The following ASZ1 variants were observed in gnomAD, a reference collection of about 807,000 sequenced individuals.
ASZ1 encodes ankyrin repeat, SAM and basic leucine zipper domain containing 1.
ASZ1 carries 67 observed loss-of-function variants against 61.8 expected under a neutral mutation model. The ratio of observed to expected loss-of-function variants is 1.08; its 90% CI spans 0.89 to 1.33. The LOEUF is 1.33. Among genes scored for constraint, ASZ1 ranks in the 40% most tolerant of loss-of-function variants. ASZ1 has a pLI of 0.00. For missense variants in ASZ1, 577 were observed against 554.5 expected (o/e 1.04, Z -0.41); for synonymous variants, 193 against 192.7 (o/e 1.00, Z -0.01).
At chr7:117,403,898 T>C (rs1584735602) in intron 4 of ASZ1, among the ~76,000 whole-genome samples, 3 of 152,286 alleles carry the variant, frequency 2.0e-5, no homozygotes, top group East Asian at 1.9e-4. Context: ...TAGATTCTCA[T>C]AGGAGTACGA....
rs1042268742 is a variant in ASZ1, at chr7:117,381,120, G to T, written c.889-53C>A. 1.2e-5 allele frequency: 17 copies of T among 1,441,508 alleles called. No individual in the cohort carries two copies. The African/African-American group carries it at 1.4e-4, about 12-fold the overall frequency. 89.3% of individuals were successfully genotyped at this position (1,441,508 alleles called of 1,614,324 possible). A position where few individuals can be genotyped will look rare whatever the true frequency, so the allele number is the denominator to read the frequency against. ...TTCCATATAATTAAAATAGTAGAAG[G>T]AGAAGTAGGCAAATGTTCATAAGTT... On this transcript the variant is annotated intron_variant, in intron 8 of 12. Coordinates refer to ENST00000284629, the MANE Select transcript of ASZ1 (RefSeq NM_130768.3).
intron 11 of ASZ1, 165 bp from the exon 12 acceptor site, chr7:117,367,630 A>ATTT: frequency 2.6e-6 from 3 of 1,136,552 alleles, no homozygotes; most frequent in Non-Finnish European, 2.2e-6. Context: ...TTTTATAAAA[A>ATTT]TATAATCAAA....
chr7:117,385,678 AT>A lies in ASZ1; in HGVS notation c.552+19del. 6.5e-7 allele frequency: 1 copy of A among 1,539,494 alleles called. No homozygotes were observed. The highest frequency in any genetic ancestry group is 1.7e-5 in the Admixed American group (1 of 57,430). On this transcript the variant is annotated intron_variant, in intron 5 of 12. Coordinates refer to ENST00000284629, the MANE Select transcript of ASZ1 (RefSeq NM_130768.3). ...GATAATAACAGAAACAAAAAGAAAC[AT>A]TGTAAAAATGTTTCTCACAGTGTAA...
intron 9 of ASZ1, among the ~76,000 whole-genome samples, chr7:117,380,781 G>GA (rs1388848159): frequency 1.1e-5 from 1 of 90,872 alleles, no homozygotes; most frequent in Non-Finnish European, 1.9e-5. Flanking sequence ...ATGACAATCT[G>GA]AAAAAAACAA....
chr7:117,379,168 T>TATATACACACACAC (rs1161457624), intron 10 of ASZ1, among the ~76,000 whole-genome samples: 99 of 69,626 alleles, frequency 1.4e-3, no homozygotes, highest in African/African-American at 5.3e-3. Flanking sequence ...TATATATATA[T>TATATACACACACAC]ACACACACAC....
chr7:117,390,262 C>G (rs1796439365), intron 4 of ASZ1, among the ~76,000 whole-genome samples: 1 of 152,010 alleles, frequency 6.6e-6, no homozygotes, highest in Admixed American at 6.6e-5. Flanking sequence ...CTCAACCTCC[C>G]AAGCCCAAGC....
At chr7:117,364,629 A>G (rs1795899659) in intron 12 of ASZ1, among the ~76,000 whole-genome samples, 1 of 152,172 alleles carries the variant, frequency 6.6e-6, no homozygotes. Context: ...GATGACATAA[A>G]TACTTTCAAC....
At chr7:117,367,269 C>T in intron 12 of ASZ1, 83 bp downstream of exon 12, 1 of 1,083,196 alleles carries the variant, frequency 9.2e-7, no homozygotes, top group South Asian at 3.6e-5. Context: ...GTTGCTCTTA[C>T]CAGAACTGCT....
chr7:117,364,461 G>T (rs1183277315), intron 12 of ASZ1, among the ~76,000 whole-genome samples: 2 of 151,946 alleles, frequency 1.3e-5, no homozygotes, highest in South Asian at 4.1e-4. Context: ...AAGTGAGAGA[G>T]AGAGAAAAGA....
At chr7:117,386,513 C>T (rs1213486600) in intron 4 of ASZ1, among the ~76,000 whole-genome samples, 1 of 152,120 alleles carries the variant, frequency 6.6e-6, no homozygotes, top group Non-Finnish European at 1.5e-5. Context: ...TCCAAGGACA[C>T]CAGATTTTAT....
intron 4 of ASZ1, among the ~76,000 whole-genome samples, chr7:117,386,011 A>T (rs1433954882): frequency 3.9e-5 from 6 of 152,198 alleles, no homozygotes; most frequent in African/African-American, 1.4e-4. Flanking sequence ...AAAGTGCTGA[A>T]TGCTTACACA....
intron 1 of ASZ1, 97 bp downstream of exon 1, chr7:117,427,259 C>G: frequency 7.6e-7 from 1 of 1,312,964 alleles, no homozygotes; most frequent in Admixed American, 1.8e-5. Context: ...GGGAAATACA[C>G]GTGAGGGAGT....
chr7:117,413,887 A>T (rs2116523683), intron 4 of ASZ1, among the ~76,000 whole-genome samples: 1 of 152,120 alleles, frequency 6.6e-6, no homozygotes, highest in East Asian at 1.9e-4. Flanking sequence ...ATTGCAAGTT[A>T]GATAATTTGG....
At chr7:117,401,070 C>G (rs1796671836) in intron 4 of ASZ1, among the ~76,000 whole-genome samples, 1 of 152,000 alleles carries the variant, frequency 6.6e-6, no homozygotes, top group Non-Finnish European at 1.5e-5. Context: ...AATCGAAAAG[C>G]TAATAGATGG....
rs898671545 is a variant in ASZ1, at chr7:117,368,388, G to C, written c.1161+224C>G. ...AATACACGGATCAGTTTAATTTTTG[G>C]TCTGACTCATTTTCTTTTTCTTGAA... On this transcript the variant is annotated intron_variant, in intron 11 of 12. Coordinates refer to ENST00000284629, the MANE Select transcript of ASZ1 (RefSeq NM_130768.3). 2.5e-6 allele frequency: 3 copies of C among 1,205,072 alleles called. No homozygotes were observed. In the African/African-American group the frequency reaches 4.8e-5, roughly 19 times the overall value. 74.6% of individuals were successfully genotyped at this position (1,205,072 alleles called of 1,614,324 possible). A position where few individuals can be genotyped will look rare whatever the true frequency, so the allele number is the denominator to read the frequency against.
At chr7:117,386,545 T>C (rs557200804) in intron 4 of ASZ1, among the ~76,000 whole-genome samples, 1 of 152,282 alleles carries the variant, frequency 6.6e-6, no homozygotes, top group African/African-American at 2.4e-5. Flanking sequence ...GGGCTGAACA[T>C]AACATCATGG....
chr7:117,418,566 T>A (rs577023313), intron 4 of ASZ1, among the ~76,000 whole-genome samples: 1 of 151,758 alleles, frequency 6.6e-6, no homozygotes, highest in East Asian at 1.9e-4. Flanking sequence ...GGCAAGAGAA[T>A]CATTTGAACC....
chr7:117,410,782 C>G (rs1453548080), intron 4 of ASZ1, among the ~76,000 whole-genome samples: 1 of 151,490 alleles, frequency 6.6e-6, no homozygotes, highest in Non-Finnish European at 1.5e-5. Flanking sequence ...AGCAATTAAG[C>G]TGTCATTTCA....
chr7:117,414,211 G>A (rs1048746699), intron 4 of ASZ1, among the ~76,000 whole-genome samples: 11 of 152,110 alleles, frequency 7.2e-5, no homozygotes, highest in Non-Finnish European at 1.6e-4. Context: ...GTATCATGAT[G>A]GAGATACCTT....
Sources: gnomAD v4.1 joint callset for allele counts (sites outside exome capture counted in the v4.1 genomes callset) on GRCh38, gnomAD v4.1.1 for gene constraint, MANE v1.5 for transcripts, NCBI Gene and HGNC (gene_info 2026-07-23, HGNC 2026-07-21) for gene names.